The following CLCN5 variants were observed in gnomAD, a reference collection of about 807,000 sequenced individuals.
The protein encoded by CLCN5 is Cl-/H+ antiporter 5.
CLCN5 carries 17 observed loss-of-function variants against 54.0 expected under a neutral mutation model. That is an observed-to-expected ratio of 0.31 (90% CI 0.22 to 0.47). The LOEUF (loss-of-function observed/expected upper bound fraction) is 0.47. CLCN5 is among the 20% of genes least tolerant of loss of function. The pLI is 1.00. For synonymous variants in CLCN5, 222 were observed against 233.0 expected (o/e 0.95, Z 0.43); for missense variants, 448 against 646.7 (o/e 0.69, Z 3.33).
intron 3 of CLCN5, among the ~76,000 whole-genome samples, chrX:49,973,104 C>T (rs1557176466): frequency 9.0e-6 from 1 of 111,130 alleles, no homozygotes; most frequent in East Asian, 2.8e-4. Context: ...TCCTCTAGAG[C>T]ACCTCCTCTT....
intron 4 of CLCN5, among the ~76,000 whole-genome samples, chrX:50,057,847 G>C (rs1378676827): frequency 9.1e-6 from 1 of 110,438 alleles, no homozygotes; most frequent in Non-Finnish European, 1.9e-5. Flanking sequence ...GGCTTCCGCT[G>C]TAATGTACTA....
intron 3 of CLCN5, among the ~76,000 whole-genome samples, chrX:49,972,299 C>T (rs1928263197): frequency 9.0e-6 from 1 of 111,133 alleles, no homozygotes; most frequent in African/African-American, 3.3e-5. Context: ...GTAAATTTAA[C>T]ATTGATTATC....
At chrX:49,952,292 T>A (rs1258506949) in intron 3 of CLCN5, among the ~76,000 whole-genome samples, 1 of 110,761 alleles carries the variant, frequency 9.0e-6, no homozygotes, top group Non-Finnish European at 1.9e-5. Context: ...TATGTTCAAG[T>A]CTGGCCTTTC....
intron 3 of CLCN5, among the ~76,000 whole-genome samples, chrX:49,946,077 C>T (rs1419830128): frequency 1.8e-5 from 2 of 111,825 alleles, no homozygotes; most frequent in African/African-American, 3.3e-5. Flanking sequence ...AACAAGAACC[C>T]TTCTATGCCT....
chrX:49,939,562 C>G (rs1256913195), intron 3 of CLCN5, among the ~76,000 whole-genome samples: 1 of 110,895 alleles, frequency 9.0e-6, no homozygotes, highest in Non-Finnish European at 1.9e-5. Context: ...ACTGCATGTT[C>G]TCACTCATAG....
intron 3 of CLCN5, among the ~76,000 whole-genome samples, chrX:49,980,900 A>G (rs1206021480): frequency 9.0e-6 from 1 of 111,441 alleles, no homozygotes. Flanking sequence ...TCAGAACTTT[A>G]TTATTTTCTA....
intron 4 of CLCN5, among the ~76,000 whole-genome samples, chrX:50,062,731 A>G (rs1420798910): frequency 1.0e-5 from 1 of 99,413 alleles, no homozygotes; most frequent in Non-Finnish European, 1.9e-5. Flanking sequence ...CACCACACCT[A>G]TTCCAAAATT....
At chrX:49,951,853 T>G (rs1023933705) in intron 3 of CLCN5, among the ~76,000 whole-genome samples, 1 of 111,340 alleles carries the variant, frequency 9.0e-6, no homozygotes, top group South Asian at 3.8e-4. Flanking sequence ...GACATGTGGG[T>G]TTTTTAAGGG....
At chrX:50,018,964 A>G (rs782241367) in intron 3 of CLCN5, among the ~76,000 whole-genome samples, 2 of 112,075 alleles carry the variant, frequency 1.8e-5, no homozygotes, top group East Asian at 5.6e-4. Context: ...TAATGAATTA[A>G]GAAGGGTTCC....
intron 3 of CLCN5, among the ~76,000 whole-genome samples, chrX:49,926,835 C>T (rs1468791052): frequency 8.9e-6 from 1 of 111,911 alleles, no homozygotes; most frequent in African/African-American, 3.3e-5. Context: ...AACTGGGAGT[C>T]AGTCAGGAGG....
chrX:49,954,832 T>C (rs1927234837), intron 3 of CLCN5, among the ~76,000 whole-genome samples: 1 of 112,141 alleles, frequency 8.9e-6, no homozygotes, highest in African/African-American at 3.2e-5. Flanking sequence ...CAGTTAAAGA[T>C]TGAATCTTTG....
At chrX:49,995,445 G>T (rs782625889) in intron 3 of CLCN5, among the ~76,000 whole-genome samples, 1 of 111,899 alleles carries the variant, frequency 8.9e-6, no homozygotes, top group Non-Finnish European at 1.9e-5. Flanking sequence ...CAAGGGTAAA[G>T]TCAGTCCCTT....
intron 3 of CLCN5, among the ~76,000 whole-genome samples, chrX:49,976,593 A>G (rs137932033): frequency 0.015 from 1,728 of 112,240 alleles, 15 homozygotes; most frequent in Non-Finnish European, 0.024. Context: ...CATCTATGCA[A>G]AAGAACTGCT....
chrX:49,962,328 C>A (rs1927636445), intron 3 of CLCN5, among the ~76,000 whole-genome samples: 1 of 111,574 alleles, frequency 9.0e-6, no homozygotes, highest in Admixed American at 9.5e-5. Flanking sequence ...CAACGTCACG[C>A]AGCAGCTGGA....
chrX:50,027,057 C>T (rs1347055096), intron 3 of CLCN5, among the ~76,000 whole-genome samples: 5 of 99,611 alleles, frequency 5.0e-5, no homozygotes, highest in Non-Finnish European at 9.7e-5. Context: ...GCCTGTTGCC[C>T]AGGCTGGAGT....
At chrX:49,970,528 C>T (rs960668948) in intron 3 of CLCN5, among the ~76,000 whole-genome samples, 3 of 111,151 alleles carry the variant, frequency 2.7e-5, no homozygotes, top group African/African-American at 6.5e-5. Flanking sequence ...ATGTGGTCTC[C>T]GCATAATTTT....
intron 4 of CLCN5, among the ~76,000 whole-genome samples, chrX:50,051,073 T>C (rs1460916303): frequency 8.9e-6 from 1 of 112,055 alleles, no homozygotes; most frequent in African/African-American, 3.2e-5. Flanking sequence ...GCTATTTGTA[T>C]TGTATATAAA....
chrX:50,049,418 C>G (rs1557188101), intron 4 of CLCN5, among the ~76,000 whole-genome samples: 1 of 111,679 alleles, frequency 9.0e-6, no homozygotes, highest in African/African-American at 3.3e-5. Flanking sequence ...GATGAAATTA[C>G]CTAACAACAC....
Position 49,981,138 on chromosome X carries a change from T to C in CLCN5, c.16+55824T>C, listed in dbSNP as rs996706958. On this transcript the variant is annotated intron_variant, in intron 3 of 14. Transcript: ENST00000376091. ...AATGCAACATTGCATTTTCTTACAGTTCTTCATAATTAAAAAAAGCTTGAA... is the reference window on the plus strand; with the variant it reads ...AATGCAACATTGCATTTTCTTACAGCTCTTCATAATTAAAAAAAGCTTGAA... Among the ~76,000 whole-genome samples the C allele has an allele frequency of 2.7e-5, 3 of 111,671 alleles. No homozygotes were observed. The South Asian group carries it at 1.1e-3, about 42-fold the overall frequency.
Sources: allele counts gnomAD v4.1 joint callset (sites outside exome capture counted in the v4.1 genomes callset), GRCh38; gene constraint gnomAD v4.1.1; transcripts MANE v1.5; gene names NCBI Gene and HGNC (gene_info 2026-07-23, HGNC 2026-07-21).